Variants in NCKAP5 observed in about 807,000 individuals in gnomAD.
NCKAP5 encodes NCK associated protein 5.
Under a neutral mutation model 167.0 loss-of-function variants are expected in NCKAP5, and 92 were observed. The observed-to-expected ratio is 0.55, with a 90% CI of 0.47 to 0.66. The LOEUF (loss-of-function observed/expected upper bound fraction) is 0.66. Among genes scored for constraint, NCKAP5 ranks in the 30% least tolerant of loss-of-function variants. NCKAP5 has a pLI of 0.00. For synonymous variants in NCKAP5, 891 were observed against 877.4 expected (o/e 1.02, Z -0.27); for missense variants, 2,378 against 2,315.0 (o/e 1.03, Z -0.56).
At chr2:133,355,806 C>T (rs1257842887) in intron 3 of NCKAP5, among the ~76,000 whole-genome samples, 1 of 152,080 alleles carries the variant, frequency 6.6e-6, no homozygotes, top group Non-Finnish European at 1.5e-5. Context: ...AGTATAATCA[C>T]CTCACATATT....
At position 133,345,511 on chromosome 2, in the gene NCKAP5, C is replaced by T. The variant is rs571125781; in HGVS notation, c.70-42401G>A. 7.2e-5 allele frequency among the ~76,000 whole-genome samples: 11 copies of T among 152,234 alleles called. No homozygotes were observed. The South Asian group carries it at 2.3e-3, about 32-fold the overall frequency. ...CTTAACCCTCGGTACACATTATAATCACCAAGTAGAGTTGAAATATGCTGA... is the reference window on the plus strand; with the variant it reads ...CTTAACCCTCGGTACACATTATAATTACCAAGTAGAGTTGAAATATGCTGA... On this transcript the variant is annotated intron_variant, in intron 3 of 19. Transcript: ENST00000409261.
In NCKAP5 at chr2:133,130,000, T is replaced by A; in HGVS notation, c.319A>T (p.Ser107Cys). The A allele has an allele frequency of 6.2e-7, 1 of 1,608,678 alleles. No individual in the cohort carries two copies. The highest frequency in any genetic ancestry group is 1.1e-5 in the South Asian group (1 of 89,674). ...TACCTGGAGAACTGCTGCTGCAAGC[T>A]ACGCATCTGAATTCTGTTGCGTTCA... ...ESERNRIQMR[S>C]LQQQFSRMEE... The change falls in exon 6 of 20, where the codon AGC (serine) becomes TGC (cysteine). Residue 107 changes from serine (S) to cysteine (C), a missense_variant. By Grantham distance (112) the Ser-to-Cys change is moderately radical. Coordinates refer to ENST00000409261, the MANE Select transcript of NCKAP5 (RefSeq NM_207363.3).
intron 5 of NCKAP5, among the ~76,000 whole-genome samples, chr2:133,207,692 C>T (rs1459618567): frequency 1.3e-5 from 2 of 152,064 alleles, no homozygotes; most frequent in Non-Finnish European, 2.9e-5. Context: ...AAGATGGGAG[C>T]ATGTCAAAAA....
chr2:133,291,232 C>T (rs754045795), intron 4 of NCKAP5, among the ~76,000 whole-genome samples: 45 of 152,126 alleles, frequency 3.0e-4, no homozygotes, highest in Non-Finnish European at 5.6e-4. Flanking sequence ...AAGACTTGGT[C>T]TTACAGGTTA....
chr2:133,330,646 T>C (rs901801027), intron 3 of NCKAP5, among the ~76,000 whole-genome samples: 1 of 152,122 alleles, frequency 6.6e-6, no homozygotes. Flanking sequence ...CCCAAGGCTT[T>C]GGGAGGTTGA....
intron 4 of NCKAP5, among the ~76,000 whole-genome samples, chr2:133,298,225 G>C (rs1405073096): frequency 1.3e-5 from 2 of 152,114 alleles, no homozygotes; most frequent in Non-Finnish European, 2.9e-5. Context: ...TCAATAAATA[G>C]TATATAAATC....
At chr2:133,613,886 T>C in the NCKAP5 span, among the ~76,000 whole-genome samples, 1 of 152,190 alleles carries the variant, frequency 6.6e-6, no homozygotes, top group Non-Finnish European at 1.5e-5. Flanking sequence ...AAAACAGTAC[T>C]CCTTTTCCTT....
chr2:133,393,244 T>C (rs574409229), intron 3 of NCKAP5, among the ~76,000 whole-genome samples: 1 of 152,340 alleles, frequency 6.6e-6, no homozygotes, highest in South Asian at 2.1e-4. Flanking sequence ...TAAACTCAGT[T>C]TGACCTTGTC....
chr2:132,771,672 C>G (rs968703506), intron 16 of NCKAP5, among the ~76,000 whole-genome samples: 2 of 144,882 alleles, frequency 1.4e-5, no homozygotes. Context: ...ATCTTTGATG[C>G]TAATTGTTTT....
chr2:133,234,344 G>T (rs2087294266), intron 4 of NCKAP5, among the ~76,000 whole-genome samples: 1 of 152,180 alleles, frequency 6.6e-6, no homozygotes, highest in Non-Finnish European at 1.5e-5. Context: ...TGAACACATT[G>T]CGGGGCTCTT....
intron 3 of NCKAP5, among the ~76,000 whole-genome samples, chr2:133,455,722 G>A (rs1036048198): frequency 6.6e-5 from 10 of 152,008 alleles, no homozygotes; most frequent in Admixed American, 2.0e-4. Context: ...AAAGACCCTC[G>A]CTGAAAAAGT....
At chr2:133,544,564 C>G (rs34876294) in intron 2 of NCKAP5, among the ~76,000 whole-genome samples, 41,804 of 152,052 alleles carry the variant, frequency 0.27, 6,251 homozygotes, top group East Asian at 0.38. Context: ...CGGGCTCCAT[C>G]GTGTGAATGG....
chr2:133,490,845 T>C (rs1243924999), intron 3 of NCKAP5, among the ~76,000 whole-genome samples: 1 of 152,232 alleles, frequency 6.6e-6, no homozygotes, highest in African/African-American at 2.4e-5. Context: ...CAAGTTTTCT[T>C]TGTGGACTCC....
intron 10 of NCKAP5, among the ~76,000 whole-genome samples, chr2:132,861,564 A>G (rs1403845469): frequency 6.6e-6 from 1 of 152,068 alleles, no homozygotes; most frequent in Non-Finnish European, 1.5e-5. Context: ...GTTGTTCTCT[A>G]AAGCTCTACG....
chr2:133,187,256 G>A (rs1160384368), intron 5 of NCKAP5, among the ~76,000 whole-genome samples: 2 of 151,990 alleles, frequency 1.3e-5, no homozygotes, highest in African/African-American at 4.8e-5. Flanking sequence ...CTTTTGTATA[G>A]TTTTGAGAGA....
chr2:133,226,221 A>C (rs1340694782), intron 4 of NCKAP5, among the ~76,000 whole-genome samples: 1 of 152,258 alleles, frequency 6.6e-6, no homozygotes, highest in East Asian at 1.9e-4. Flanking sequence ...GTTTATAGGC[A>C]TAAGCCGCCA....
At chr2:133,513,668 C>T (rs919118556) in intron 3 of NCKAP5, among the ~76,000 whole-genome samples, 2 of 152,128 alleles carry the variant, frequency 1.3e-5, no homozygotes, top group Admixed American at 6.5e-5. Flanking sequence ...GATGTGTGCA[C>T]GTCCTTTTTT....
intron 6 of NCKAP5, among the ~76,000 whole-genome samples, chr2:133,005,555 G>A (rs2077935608): frequency 1.3e-5 from 2 of 152,252 alleles, no homozygotes; most frequent in Middle Eastern, 3.4e-3. Context: ...ACAAATACAT[G>A]GAGCATTAGG....
intron 3 of NCKAP5, among the ~76,000 whole-genome samples, chr2:133,348,334 C>G (rs1354082369): frequency 6.6e-6 from 1 of 152,126 alleles, no homozygotes; most frequent in Non-Finnish European, 1.5e-5. Flanking sequence ...AAGCAGGGAG[C>G]AATTCAATAC....
Sources: gnomAD v4.1 joint callset for allele counts (sites outside exome capture counted in the v4.1 genomes callset) on GRCh38, gnomAD v4.1.1 for gene constraint, MANE v1.5 for transcripts, NCBI Gene and HGNC (gene_info 2026-07-23, HGNC 2026-07-21) for gene names.